Variants in FNDC1 observed in about 807,000 individuals in gnomAD.
FNDC1 encodes fibronectin type III domain containing 1, also known as fibronectin type III domain-containing protein 1.
FNDC1 carries 96 observed loss-of-function variants against 168.0 expected under a neutral mutation model. That is an observed-to-expected ratio of 0.57 (90% CI 0.48 to 0.68). FNDC1 has a LOEUF of 0.68. FNDC1 is among the 30% of genes least tolerant of loss of function. The probability of loss-of-function intolerance (pLI) is 0.00; values close to 1 mark genes in which losing one functional copy is unlikely to be tolerated. For synonymous variants in FNDC1, 1,099 were observed against 1,025.9 expected, an observed-to-expected ratio of 1.07 and a Z score of -1.36; for missense variants, 2,587 against 2,482.1, an observed-to-expected ratio of 1.04 and a Z score of -0.90.
intron 4 of FNDC1, among the ~76,000 whole-genome samples, chr6:159,212,662 T>C (rs1226808173): frequency 6.6e-6 from 1 of 152,198 alleles, no homozygotes; most frequent in African/African-American, 2.4e-5. Flanking sequence ...AGGGAACAGT[T>C]CTTCCTGGGT....
chr6:159,256,127 T>G (rs1777366596), intron 17 of FNDC1, among the ~76,000 whole-genome samples: 1 of 152,210 alleles, frequency 6.6e-6, no homozygotes, highest in Non-Finnish European at 1.5e-5. Flanking sequence ...ATTCTTCGTT[T>G]CCTGTGCAGG....
chr6:159,169,628 C>G lies in FNDC1; in HGVS notation c.32C>G (p.Ala11Gly), dbSNP rs1012166358. 2.6e-6 allele frequency: 3 copies of G among 1,140,826 alleles called. No individual in the cohort carries two copies. The African/African-American group carries it at 4.9e-5, about 19-fold the overall frequency. The allele number at this position is 1,140,826 out of a possible 1,614,324, so 70.7% of individuals were successfully genotyped here. Residue 11 changes from alanine to glycine, a missense_variant, in exon 1 of 23, where the codon GCG becomes GGG. Ala to Gly is a moderately conservative substitution (Grantham distance 60). Coordinates refer to ENST00000297267, the MANE Select transcript of FNDC1 (RefSeq NM_032532.3). The surrounding 1 kb of genome is among the most constrained non-coding windows in gnomAD (Gnocchi z 6.8). MAPEAGATLR[A>G]PRRLSWAALL... ...CCCGAGGCCGGGGCGACCCTGCGCG[C>G]GCCGCGCCGGCTGTCCTGGGCGGCG...
chr6:159,221,002 A>T (rs1020081618), intron 5 of FNDC1, among the ~76,000 whole-genome samples: 5 of 152,242 alleles, frequency 3.3e-5, no homozygotes, highest in Admixed American at 6.5e-5. Context: ...GAACTGACTG[A>T]AAGAACCATC....
intron 4 of FNDC1, among the ~76,000 whole-genome samples, chr6:159,202,431 A>T (rs901153266): frequency 6.6e-6 from 1 of 152,238 alleles, no homozygotes; most frequent in Non-Finnish European, 1.5e-5. Context: ...AATATATGAC[A>T]ATCTTGCCAA....
chr6:159,234,199 G>T lies in FNDC1; in HGVS notation c.3687G>T (p.Ala1229=), dbSNP rs747061126. ...AGGAAGAGAGGGAGCCTGCCATCGC[G>T]CTTGCCCCTCGCGGAGGGAGCCTGG... ...LAKEEREPAI[A]LAPRGGSLAP... is the part of the protein sequence containing the mutation. Residue 1229 remains alanine (A), a synonymous_variant, in exon 11 of 23, where the codon GCG becomes GCT. Coordinates refer to ENST00000297267, the MANE Select transcript of FNDC1 (RefSeq NM_032532.3). The T allele has an allele frequency of 2.5e-6, 4 of 1,598,212 alleles. No homozygotes were observed. Among genetic ancestry groups the T allele is most frequent in the East Asian group, 4.5e-5 (2 of 44,326 alleles).
intron 16 of FNDC1, among the ~76,000 whole-genome samples, chr6:159,250,861 T>C (rs982774095): frequency 2.0e-5 from 3 of 152,210 alleles, no homozygotes; most frequent in Non-Finnish European, 2.9e-5. Context: ...AGCTAAAGGC[T>C]GCATATCTTG....
Position 159,234,011 on chromosome 6 carries a change from C to G in FNDC1, c.3499C>G (p.Leu1167Val). The G allele has an allele frequency of 6.2e-7, 1 of 1,608,696 alleles. No homozygotes were observed. ...GTCGGAGCCTCCTTCCAAGCGGCCCCTGTCCTCCAAGTCCCAGCAGTCGGT... is the reference window on the plus strand; with the variant it reads ...GTCGGAGCCTCCTTCCAAGCGGCCCGTGTCCTCCAAGTCCCAGCAGTCGGT... ...GKSEPPSKRP[L>V]SSKSQQSVSA... The change falls in exon 11 of 23, where the codon CTG (leucine) becomes GTG (valine). Residue 1167 changes from leucine (L) to valine (V), a missense_variant. Coordinates refer to ENST00000297267, the MANE Select transcript of FNDC1 (RefSeq NM_032532.3).
intron 18 of FNDC1, among the ~76,000 whole-genome samples, chr6:159,258,514 T>C (rs1777418885): frequency 6.6e-6 from 1 of 151,992 alleles, no homozygotes. Context: ...CTCAAAGAAG[T>C]GTGTGTCCTA....
At chr6:159,231,803 G>A (rs975572374) in intron 10 of FNDC1, 79 bp from the exon 11 acceptor site, 46 of 1,262,784 alleles carry the variant, frequency 3.6e-5, no homozygotes, top group Non-Finnish European at 4.8e-5. Flanking sequence ...TCCATATGCT[G>A]TTTTAAATAC....
At chr6:159,251,622 C>A in intron 17 of FNDC1, 90 bp downstream of exon 17, 1 of 1,124,822 alleles carries the variant, frequency 8.9e-7, no homozygotes, top group Non-Finnish European at 1.3e-6. Context: ...TGGGTGCATG[C>A]ATGGATGAGT....
chr6:159,218,952 C>A (rs1782761077), intron 5 of FNDC1, among the ~76,000 whole-genome samples: 1 of 151,614 alleles, frequency 6.6e-6, no homozygotes, highest in African/African-American at 2.4e-5. Context: ...CACTTGAGGT[C>A]GGAAAGTGGG....
At chr6:159,221,042 C>T (rs1782812126) in intron 5 of FNDC1, among the ~76,000 whole-genome samples, 1 of 152,204 alleles carries the variant, frequency 6.6e-6, no homozygotes, top group African/African-American at 2.4e-5. Flanking sequence ...TAAAGTCTTC[C>T]ATGTGCTGTT....
intron 6 of FNDC1, 112 bp downstream of exon 6, chr6:159,221,808 G>T: frequency 1.1e-6 from 1 of 876,808 alleles, no homozygotes; most frequent in Non-Finnish European, 1.8e-6. Context: ...GAGGCTAAAA[G>T]AAATAACAGG....
chr6:159,254,550 A>C (rs1198187383), intron 17 of FNDC1, among the ~76,000 whole-genome samples: 1 of 151,920 alleles, frequency 6.6e-6, no homozygotes, highest in East Asian at 1.9e-4. Context: ...TACTAAACAT[A>C]CAAAAAAATT....
chr6:159,249,495 C>T (rs1328835951), intron 16 of FNDC1, among the ~76,000 whole-genome samples: 1 of 152,168 alleles, frequency 6.6e-6, no homozygotes, highest in Admixed American at 6.5e-5. Context: ...TTTATTGTAG[C>T]CAGTTTTTCT....
chr6:159,194,875 G>A (rs1782212281), intron 1 of FNDC1, among the ~76,000 whole-genome samples: 1 of 152,102 alleles, frequency 6.6e-6, no homozygotes, highest in Admixed American at 6.6e-5. Flanking sequence ...TCTCCTGTTT[G>A]TCTTTTTGTC....
rs1245867696 is a variant in FNDC1, at chr6:159,197,431, T to C, written c.110T>C (p.Val37Ala). The change falls in exon 2 of 23, where the codon GTT (valine) becomes GCT (alanine). Residue 37 changes from valine to alanine, a missense_variant and splice_region_variant. Transcript: ENST00000297267. ...GTTGATAGTTGCGCTGTTTACATAG[T>C]TGACCACCCACTGAAGCCAAGGCAT... ...LPVASSAAAS[V>A]DHPLKPRHVK... 6.2e-7 allele frequency: 1 copy of C among 1,610,856 alleles called. No individual in the cohort carries two copies. The highest frequency in any genetic ancestry group is 8.5e-7 in the Non-Finnish European group (1 of 1,178,614).
intron 1 of FNDC1, among the ~76,000 whole-genome samples, chr6:159,181,529 A>T (rs550653349): frequency 6.6e-6 from 1 of 152,362 alleles, no homozygotes; most frequent in African/African-American, 2.4e-5. Context: ...GTGGCCATAA[A>T]TGACAACCAA....
At chr6:159,266,680 GTTTTTTT>G (rs10616860) in intron 21 of FNDC1, among the ~76,000 whole-genome samples, 9 of 144,074 alleles carry the variant, frequency 6.2e-5, no homozygotes, top group African/African-American at 2.1e-4. Flanking sequence ...GAAATCTAGG[GTTTTTTT>G]TTTTTTTTTT....
Sources: gnomAD v4.1 joint callset for allele counts (sites outside exome capture counted in the v4.1 genomes callset) on GRCh38, gnomAD v4.1.1 for gene constraint, Gnocchi (gnomAD v3.1) non-coding constraint, MANE v1.5 for transcripts, NCBI Gene and HGNC (gene_info 2026-07-23, HGNC 2026-07-21) for gene names.